DEFB4B: variants seen among roughly 807,000 people sequenced by gnomAD.
DEFB4B encodes defensin beta 4B, also known as beta-defensin 4B.
chr8:7,415,538 G>T (rs1356109728), intron 1 of DEFB4B, among the ~76,000 whole-genome samples: 1 of 151,386 alleles, frequency 6.6e-6, no homozygotes. Flanking sequence ...TCTGAGATGG[G>T]ATAAAAAGAT....
chr8:7,415,701 C>CTCCCTCCCTCCCTCCT (rs1808812071), intron 1 of DEFB4B, among the ~76,000 whole-genome samples: 1 of 117,060 alleles, frequency 8.5e-6, no homozygotes, highest in Non-Finnish European at 1.7e-5. Context: ...CCCTCCCTCC[C>CTCCCTCCCTCCCTCCT]TCCCTCCCTC....
intron 1 of DEFB4B, among the ~76,000 whole-genome samples, chr8:7,415,883 A>C (rs552110234): frequency 6.7e-6 from 1 of 148,694 alleles, no homozygotes; most frequent in Non-Finnish European, 1.5e-5. Flanking sequence ...CATAAATAAG[A>C]TTGGTAAAAT....
chr8:7,415,404 C>T lies in DEFB4B; in HGVS notation c.59-307G>A, dbSNP rs181166357. On this transcript the variant is annotated intron_variant, in intron 1 of 1. Coordinates refer to ENST00000318157, the MANE Select transcript of DEFB4B (RefSeq NM_001205266.2). ...GTGGGGTCTGGTAGGAGCTCAGCAA[C>T]GATCTCTTGTGAATTCAGCTCCACC... Among the ~76,000 whole-genome samples, 1,409 of 150,130 alleles carry T rather than the reference C, an allele frequency of 9.4e-3. 2 individuals carry two copies. The highest frequency in any genetic ancestry group is 0.059 in the Middle Eastern group (17 of 288).
chr8:7,415,750 C>CGCCTGCCT (rs1554536619), intron 1 of DEFB4B, among the ~76,000 whole-genome samples: 77 of 129,662 alleles, frequency 5.9e-4, no homozygotes, highest in African/African-American at 2.2e-3. Flanking sequence ...CCCACCTGCC[C>CGCCTGCCT]GCCTCCCTGC....
intron 1 of DEFB4B, among the ~76,000 whole-genome samples, chr8:7,415,729 C>G (rs192169038): frequency 0.21 from 23,898 of 114,546 alleles, 417 homozygotes; most frequent in African/African-American, 0.27. Flanking sequence ...CCCTCCTTCC[C>G]TCCCTCCCTC....
chr8:7,415,494 CTT>C (rs1233013378), intron 1 of DEFB4B, among the ~76,000 whole-genome samples: 18 of 151,336 alleles, frequency 1.2e-4, no homozygotes, highest in Non-Finnish European at 2.4e-4. Flanking sequence ...TAAACTTTTG[CTT>C]TTTCAAATCA....
At chr8:7,415,316 T>A (rs1185172056) in intron 1 of DEFB4B, among the ~76,000 whole-genome samples, 1 of 150,498 alleles carries the variant, frequency 6.6e-6, no homozygotes, top group Non-Finnish European at 1.5e-5. Flanking sequence ...TTGGGGGATG[T>A]TTATTTTTGT....
chr8:7,416,106 C>T (rs1466817999), intron 1 of DEFB4B, among the ~76,000 whole-genome samples: 9 of 150,082 alleles, frequency 6.0e-5, no homozygotes, highest in Admixed American at 3.3e-4. Context: ...TGTGAACCTG[C>T]AGTGGCCTAG....
At chr8:7,415,702 TCC>T (rs1808812365) in intron 1 of DEFB4B, among the ~76,000 whole-genome samples, 1 of 69,992 alleles carries the variant, frequency 1.4e-5, no homozygotes, top group African/African-American at 6.0e-5. Flanking sequence ...CCTCCCTCCC[TCC>T]CTCCCTCCCT....
intron 1 of DEFB4B, among the ~76,000 whole-genome samples, 165 bp downstream of exon 1, chr8:7,416,605 G>A (rs1471245420): frequency 6.8e-6 from 1 of 147,886 alleles, no homozygotes; most frequent in Non-Finnish European, 1.5e-5. Context: ...AGAGAGAGAG[G>A]GAAGAAGAGA....
chr8:7,416,282 A>C (rs1223992743), intron 1 of DEFB4B, among the ~76,000 whole-genome samples: 6 of 151,670 alleles, frequency 4.0e-5, no homozygotes, highest in African/African-American at 1.2e-4. Flanking sequence ...ATTCTATACT[A>C]CTTTCTTTAG....
rs879345670 is a variant in DEFB4B at position 7,415,755 on chromosome 8, C to CCCTGCCTT, written c.59-659_59-658insAAGGCAGG. 7.6e-3 allele frequency among the ~76,000 whole-genome samples: 1,064 copies of CCCTGCCTT among 140,370 alleles called. 1 individual carries two copies. Among genetic ancestry groups the CCCTGCCTT allele is most frequent in the Middle Eastern group, 0.023 (6 of 266 alleles). The allele number at this position is 140,370 out of a possible 152,430, so 92.1% of individuals were successfully genotyped here. On this transcript the variant is annotated intron_variant, in intron 1 of 1. Coordinates refer to ENST00000318157, the MANE Select transcript of DEFB4B (RefSeq NM_001205266.2). ...TCCCTCCCTCCCCACCTGCCCGCCT[C>CCCTGCCTT]CCTGCCTCCCTGCCTCCCTGCCTCC... is the stretch of plus-strand genomic sequence containing the variant.
At chr8:7,416,365 G>A (rs1402756458) in intron 1 of DEFB4B, among the ~76,000 whole-genome samples, 2 of 151,774 alleles carry the variant, frequency 1.3e-5, no homozygotes, top group South Asian at 2.1e-4. Context: ...AGCAGTTGTA[G>A]CATGGAAAGC....
chr8:7,415,724 C>CCTCA lies in DEFB4B; in HGVS notation c.59-628_59-627insTGAG, dbSNP rs942216378. 1.1e-3 allele frequency among the ~76,000 whole-genome samples: 142 copies of CCTCA among 125,524 alleles called. 1 individual carries two copies. The highest frequency in any genetic ancestry group is 4.0e-3 in the African/African-American group (129 of 31,870). The allele number at this position is 125,524 out of a possible 152,430, so 82.3% of individuals were successfully genotyped here. A position where few individuals can be genotyped will look rare whatever the true frequency, so the allele number is the denominator to read the frequency against. On this transcript the variant is annotated intron_variant, in intron 1 of 1. Coordinates refer to ENST00000318157, the MANE Select transcript of DEFB4B (RefSeq NM_001205266.2). ...CCCTCCCTCCCTCCCTCCCTCCCTC[C>CCTCA]TTCCCTCCCTCCCTCCCCACCTGCC...
chr8:7,415,929 G>T (rs1808832521), intron 1 of DEFB4B, among the ~76,000 whole-genome samples: 1 of 147,472 alleles, frequency 6.8e-6, no homozygotes, highest in South Asian at 2.2e-4. Flanking sequence ...TAGATTAATT[G>T]TTTTAGGATT....
chr8:7,416,488 G>T (rs201303801), intron 1 of DEFB4B, among the ~76,000 whole-genome samples: 29,699 of 141,288 alleles, frequency 0.21, 638 homozygotes, highest in African/African-American at 0.28. Flanking sequence ...AGCAATGCTT[G>T]GTTCAATTAA....
In DEFB4B at chr8:7,415,253, G is replaced by A. The variant is rs1168857663; in HGVS notation, c.59-156C>T. ...CTTTTCCATCATGATAATGAGACGC[G>A]AGTCAGTCATTTGGATCTAAGTTTC... On this transcript the variant is annotated intron_variant, in intron 1 of 1. Coordinates refer to ENST00000318157, the MANE Select transcript of DEFB4B (RefSeq NM_001205266.2). 2.7e-5 allele frequency among the ~76,000 whole-genome samples: 4 copies of A among 148,288 alleles called. No homozygotes were observed. In the Admixed American group the frequency reaches 2.7e-4, roughly 10 times the overall value.
At chr8:7,416,344 A>G (rs1224595781) in intron 1 of DEFB4B, among the ~76,000 whole-genome samples, 1 of 151,746 alleles carries the variant, frequency 6.6e-6, no homozygotes, top group Non-Finnish European at 1.5e-5. Context: ...ACAGGTTTCA[A>G]CCATAGTCTC....
At chr8:7,416,196 G>C (rs1264695678) in intron 1 of DEFB4B, among the ~76,000 whole-genome samples, 1 of 151,312 alleles carries the variant, frequency 6.6e-6, no homozygotes, top group Admixed American at 6.6e-5. Flanking sequence ...TCACAGTATA[G>C]GCTGGGCCTT....
Sources: gnomAD v4.1 joint callset for allele counts (sites outside exome capture counted in the v4.1 genomes callset) on GRCh38, gnomAD v4.1.1 for gene constraint, MANE v1.5 for transcripts, NCBI Gene and HGNC (gene_info 2026-07-23, HGNC 2026-07-21) for gene names.